CLTB: variants seen among roughly 807,000 people sequenced by gnomAD.
The protein encoded by CLTB is clathrin light chain B.
Under a neutral mutation model 30.5 loss-of-function variants are expected in CLTB, and 10 were observed. The observed-to-expected ratio is 0.33, with a 90% confidence interval of 0.20 to 0.56. The LOEUF is 0.56. Among genes scored for constraint, CLTB ranks in the 20% least tolerant of loss-of-function variants. The probability of loss-of-function intolerance (pLI) is 0.91; values close to 1 mark genes in which losing one functional copy is unlikely to be tolerated. For synonymous variants in CLTB, 102 were observed against 120.3 expected (o/e 0.85, Z 1.00); for missense variants, 261 against 308.3 (o/e 0.85, Z 1.15).
intron 2 of CLTB, chr5:176,406,600 G>A: frequency 3.9e-6 from 5 of 1,289,368 alleles, no homozygotes; most frequent in Non-Finnish European, 5.1e-6. Context: ...GGGCCCTTCT[G>A]TCCCTGCCCC....
chr5:176,412,087 A>C (rs1385530751), intron 1 of CLTB, among the ~76,000 whole-genome samples: 2 of 151,668 alleles, frequency 1.3e-5, no homozygotes, highest in Admixed American at 6.6e-5. Context: ...GAGGCAGGAG[A>C]ATGGTGTGAA....
chr5:176,413,639 A>G (rs1005878460), intron 1 of CLTB, among the ~76,000 whole-genome samples: 22 of 152,238 alleles, frequency 1.4e-4, no homozygotes, highest in African/African-American at 5.1e-4. Context: ...CTGCTAAGCC[A>G]GCTTTTGCCC....
rs1392417880 is a variant in CLTB, at chr5:176,393,541, G to T, written c.519-596C>A. On this transcript the variant is annotated intron_variant, in intron 5 of 5. Coordinates refer to ENST00000310418, the MANE Select transcript of CLTB (RefSeq NM_007097.5). This position sits in a 1 kb window ranked among gnomAD's most constrained non-coding sequence, Gnocchi z 4.4. ...AGACTTTCAAAGCCTTTCATGTGCT[G>T]TGTGCGTCGTGACCCTCCAAGGTGT... Among the ~76,000 whole-genome samples the T allele has an allele frequency of 6.6e-6, 1 of 152,210 alleles. No individual in the cohort carries two copies. The highest frequency in any genetic ancestry group is 1.5e-5 in the Non-Finnish European group (1 of 68,042).
At chr5:176,395,891 T>C (rs1350440630) in intron 5 of CLTB, among the ~76,000 whole-genome samples, 1 of 152,166 alleles carries the variant, frequency 6.6e-6, no homozygotes, top group Non-Finnish European at 1.5e-5. Context: ...TCCCAGCACT[T>C]TGGGAGGCCG....
At chr5:176,416,147 A>G (rs1341533620) in intron 1 of CLTB, 30 bp downstream of exon 1, 1 of 1,514,118 alleles carries the variant, frequency 6.6e-7, no homozygotes, top group Non-Finnish European at 8.8e-7. Flanking sequence ...GCGCGCCCTG[A>G]GCCCCTCTCC....
intron 2 of CLTB, among the ~76,000 whole-genome samples, chr5:176,409,328 T>C (rs1414968474): frequency 1.3e-5 from 2 of 149,470 alleles, no homozygotes; most frequent in East Asian, 2.0e-4. Context: ...ATACTGTGTA[T>C]ATTATTCTGC....
intron 2 of CLTB, among the ~76,000 whole-genome samples, chr5:176,400,234 GAAT>G (rs888352254): frequency 7.3e-5 from 11 of 150,350 alleles, no homozygotes; most frequent in African/African-American, 2.7e-4. Flanking sequence ...AGAAAAAAAG[GAAT>G]AATATTAAGA....
intron 5 of CLTB, among the ~76,000 whole-genome samples, chr5:176,394,809 C>T (rs375455275): frequency 2.7e-5 from 4 of 148,416 alleles, no homozygotes; most frequent in East Asian, 2.0e-4. Flanking sequence ...AGCAAGACTC[C>T]GTCTTAAAAA....
At chr5:176,405,489 CAA>C (rs988554368) in intron 2 of CLTB, 10 of 52,232 alleles carry the variant, frequency 1.9e-4, no homozygotes, top group Admixed American at 4.1e-4. Context: ...CCCTGTCTCT[CAA>C]AAAAAAAAAA....
chr5:176,414,458 G>A (rs866636319), intron 1 of CLTB, among the ~76,000 whole-genome samples: 2 of 148,372 alleles, frequency 1.3e-5, no homozygotes, highest in Non-Finnish European at 3.0e-5. Context: ...TTGAGACAGG[G>A]TCTCACTCTG....
In CLTB at chr5:176,396,549, AG is replaced by A. The variant is rs745926137; in HGVS notation, c.465-18del. ...TCAGCGATCCTTGAGGGAAAGGTTGAGGGAAGGGGTTAGGTGGGGGAAGGCA... is the reference window on the plus strand; with the variant it reads ...TCAGCGATCCTTGAGGGAAAGGTTGAGGAAGGGGTTAGGTGGGGGAAGGCA... On this transcript the variant is annotated intron_variant, in intron 4 of 5. Transcript: ENST00000310418. 11 of 1,609,294 alleles carry A rather than the reference AG, an allele frequency of 6.8e-6. No individual in the cohort carries two copies. The African/African-American group carries it at 1.2e-4, about 18-fold the overall frequency.
At chr5:176,394,397 C>T (rs560927213) in intron 5 of CLTB, among the ~76,000 whole-genome samples, 23 of 152,350 alleles carry the variant, frequency 1.5e-4, no homozygotes, top group African/African-American at 4.3e-4. Context: ...TGAGCCTGGG[C>T]GCAGTGGCTC....
chr5:176,400,798 C>T (rs879709046), intron 2 of CLTB, among the ~76,000 whole-genome samples: 4 of 152,210 alleles, frequency 2.6e-5, no homozygotes, highest in Non-Finnish European at 4.4e-5. Flanking sequence ...CTCTGTCCTA[C>T]GGCGCCCACC....
rs762194839 is a variant in CLTB at position 176,392,949 on chromosome 5, C to T, written c.519-4G>A. On this transcript the variant is annotated splice_polypyrimidine_tract_variant and splice_region_variant and intron_variant, in intron 5 of 5. Coordinates refer to ENST00000310418, the MANE Select transcript of CLTB (RefSeq NM_007097.5). This position sits in a 1 kb window ranked among gnomAD's most constrained non-coding sequence, Gnocchi z 5.2. ...CACGAAAGCCTCCTCGGATGCCCTG[C>T]GGGTGGAGATAGGACGGGCTTTTAT... 2.5e-5 allele frequency: 41 copies of T among 1,613,938 alleles called. No homozygotes were observed. Among genetic ancestry groups the T allele is most frequent in the East Asian group, 6.7e-5 (3 of 44,886 alleles).
intron 2 of CLTB, among the ~76,000 whole-genome samples, chr5:176,407,825 C>T (rs149769305): frequency 2.0e-5 from 3 of 152,310 alleles, no homozygotes; most frequent in Non-Finnish European, 4.4e-5. Flanking sequence ...TGGACTTTTC[C>T]AGCTTGCTGA....
At chr5:176,406,096 C>T in intron 2 of CLTB, 1 of 954,042 alleles carries the variant, frequency 1.0e-6, no homozygotes, top group Non-Finnish European at 1.2e-6. Context: ...TGCCCCTGTC[C>T]CCACCCCTAC....
chr5:176,395,411 C>T (rs973729963), intron 5 of CLTB, among the ~76,000 whole-genome samples: 7 of 152,058 alleles, frequency 4.6e-5, no homozygotes, highest in African/African-American at 9.7e-5. Flanking sequence ...TGGCACAAGG[C>T]GAGTGCCAAA....
At chr5:176,413,565 G>C (rs912717373) in intron 1 of CLTB, among the ~76,000 whole-genome samples, 1 of 152,232 alleles carries the variant, frequency 6.6e-6, no homozygotes, top group African/African-American at 2.4e-5. Flanking sequence ...TCAGCACAGA[G>C]ATTGCTAATC....
At chr5:176,415,549 A>T (rs1230416819) in intron 1 of CLTB, among the ~76,000 whole-genome samples, 7 of 152,246 alleles carry the variant, frequency 4.6e-5, no homozygotes, top group African/African-American at 9.6e-5. Context: ...TATATGTAAA[A>T]GAAAAAGAAA....
Sources: gnomAD v4.1 joint callset for allele counts (sites outside exome capture counted in the v4.1 genomes callset) on GRCh38, gnomAD v4.1.1 for gene constraint, Gnocchi (gnomAD v3.1) non-coding constraint, MANE v1.5 for transcripts, NCBI Gene and HGNC (gene_info 2026-07-23, HGNC 2026-07-21) for gene names.